ZBED4: variants seen among roughly 807,000 people sequenced by gnomAD.
ZBED4 encodes the protein zinc finger BED domain-containing protein 4.
ZBED4 carries 4 observed loss-of-function variants against 15.5 expected under a neutral mutation model. That is an observed-to-expected ratio of 0.26 (90% CI 0.13 to 0.59). The LOEUF is 0.59. ZBED4 is among the 20% of genes least tolerant of loss of function. The pLI is 0.90. For synonymous variants in ZBED4, 692 were observed against 608.5 expected, an observed-to-expected ratio of 1.14 and a Z score of -2.02; for missense variants, 1,323 against 1,461.8, an observed-to-expected ratio of 0.91 and a Z score of 1.55.
rs2060420448 is a variant in ZBED4 at position 49,883,585 on chromosome 22, T to C, written c.-78T>C. On this transcript the variant is annotated 5_prime_UTR_variant, in exon 2 of 2. Transcript: ENST00000216268. ...TTATGACGAAAAAGTGAAGATAATCTACATTCGGGGGCACAAATGAGCACT... is the reference window on the plus strand; with the variant it reads ...TTATGACGAAAAAGTGAAGATAATCCACATTCGGGGGCACAAATGAGCACT... 3 of 1,435,864 alleles carry C rather than the reference T, an allele frequency of 2.1e-6. No homozygotes were observed. The highest frequency in any genetic ancestry group is 2.4e-5 in the Admixed American group (1 of 41,878). 88.9% of individuals were successfully genotyped at this position (1,435,864 alleles called of 1,614,324 possible).
rs66520307 is a variant in ZBED4, at chr22:49,862,693, C to CTTTTT, written c.-330+8726_-330+8730dup. Reference sequence around the variant, plus strand: ...CCTCTAAATATTAGTTAAGTTTTTCCTTTTTTTTTTTTTTTTTTTTTTTTT... The same window carrying CTTTTT: ...CCTCTAAATATTAGTTAAGTTTTTCCTTTTTTTTTTTTTTTTTTTTTTTTTTTTTT... On this transcript the variant is annotated intron_variant, in intron 1 of 1. Coordinates refer to ENST00000216268, the MANE Select transcript of ZBED4 (RefSeq NM_014838.3). Among the ~76,000 whole-genome samples, 5 of 58,988 alleles carry CTTTTT rather than the reference C, an allele frequency of 8.5e-5. 1 individual carries two copies. Among genetic ancestry groups the CTTTTT allele is most frequent in the African/African-American group, 2.2e-4 (4 of 17,802 alleles). 38.7% of individuals were successfully genotyped at this position (58,988 alleles called of 152,430 possible).
chr22:49,874,672 CTTTTTT>C (rs10636316), intron 1 of ZBED4, among the ~76,000 whole-genome samples: 82 of 37,310 alleles, frequency 2.2e-3, no homozygotes, highest in Non-Finnish European at 2.3e-3. Flanking sequence ...CATGCCCAGC[CTTTTTT>C]TTTTTTTTTT....
chr22:49,869,503 C>A (rs1040161554), intron 1 of ZBED4, among the ~76,000 whole-genome samples: 5 of 152,120 alleles, frequency 3.3e-5, no homozygotes, highest in African/African-American at 1.2e-4. Flanking sequence ...TTTTTTAGTT[C>A]CTGTTTATTC....
At position 49,889,545 on chromosome 22, in the gene ZBED4, A is replaced by G. The variant is rs2060457533; in HGVS notation, c.*2367A>G. The G allele has an allele frequency of 6.0e-6, 1 of 167,182 alleles. No individual in the cohort carries two copies. The highest frequency in any genetic ancestry group is 1.5e-5 in the Non-Finnish European group (1 of 68,136). The allele number at this position is 167,182 out of a possible 1,614,324, so 10.4% of individuals were successfully genotyped here. A position where few individuals can be genotyped will look rare whatever the true frequency, so the allele number is the denominator to read the frequency against. ...GTGTTCTGAGTAACAGTCAGTGTAT[A>G]AAAGGGGATTGCAGAAAAAAATGAG... On this transcript the variant is annotated 3_prime_UTR_variant, in exon 2 of 2. Coordinates refer to ENST00000216268, the MANE Select transcript of ZBED4 (RefSeq NM_014838.3).
chr22:49,861,338 C>T (rs1238218049), intron 1 of ZBED4, among the ~76,000 whole-genome samples: 1 of 152,020 alleles, frequency 6.6e-6, no homozygotes, highest in East Asian at 1.9e-4. Flanking sequence ...GATGGGGTTT[C>T]ACTGTGTTGG....
rs1253601197 is a variant in ZBED4 at position 49,884,605 on chromosome 22, C to T, written c.943C>T (p.Arg315Trp). The T allele has an allele frequency of 1.9e-6, 3 of 1,612,252 alleles. No individual in the cohort carries two copies. Among genetic ancestry groups the T allele is most frequent in the Non-Finnish European group, 2.5e-6 (3 of 1,179,020 alleles). The change falls in exon 2 of 2, where the codon CGG becomes TGG. Residue 315 changes from arginine (R) to tryptophan (W), a missense_variant. By Grantham distance (101) the Arg-to-Trp change is moderately radical. Around this residue, in one of 6 missense-constraint regions of ZBED4, gnomAD observed 380 missense variants for 413.7 expected, o/e 0.92. Coordinates refer to ENST00000216268, the MANE Select transcript of ZBED4 (RefSeq NM_014838.3). Reference sequence around the variant, plus strand: ...CATTCACTGCATGAACGAGTTCAGCCGGGGGAAGAATGGGAAGGACCTGGG... The same window carrying T: ...CATTCACTGCATGAACGAGTTCAGCTGGGGGAAGAATGGGAAGGACCTGGG... Reference protein sequence around the residue: ...VCIHCMNEFSRGKNGKDLGTS... With the variant: ...VCIHCMNEFSWGKNGKDLGTS...
chr22:49,888,652 T>C lies in ZBED4; in HGVS notation c.*1474T>C, dbSNP rs2060452695. The C allele has an allele frequency of 1.2e-5, 2 of 167,290 alleles. No individual in the cohort carries two copies. Among genetic ancestry groups the C allele is most frequent in the African/African-American group, 4.8e-5 (2 of 41,466 alleles). 10.4% of individuals were successfully genotyped at this position (167,290 alleles called of 1,614,324 possible). On this transcript the variant is annotated 3_prime_UTR_variant, in exon 2 of 2. Coordinates refer to ENST00000216268, the MANE Select transcript of ZBED4 (RefSeq NM_014838.3). ...CTTTCCAGGTCTCGTGTTCAAGTGG[T>C]GCCAGAATGCAGGAGCCGGTGGGCA...
chr22:49,870,569 G>A (rs142330495), intron 1 of ZBED4, among the ~76,000 whole-genome samples: 1 of 152,190 alleles, frequency 6.6e-6, no homozygotes. Flanking sequence ...GCACTTCTCT[G>A]ATGACTGTTG....
intron 1 of ZBED4, among the ~76,000 whole-genome samples, chr22:49,868,574 C>G (rs999846766): frequency 2.6e-5 from 4 of 152,092 alleles, no homozygotes; most frequent in Non-Finnish European, 5.9e-5. Flanking sequence ...GCGAGACTGT[C>G]TCTTCCAACA....
upstream of ZBED4, chr22:49,853,027 A>T (rs2060258196): frequency 6.6e-6 from 1 of 152,192 alleles, no homozygotes. Context: ...CTCCCGCTCC[A>T]GCCGGTGACC....
At chr22:49,865,656 C>CA (rs762328307) in intron 1 of ZBED4, among the ~76,000 whole-genome samples, 1 of 152,040 alleles carries the variant, frequency 6.6e-6, no homozygotes, top group African/African-American at 2.4e-5. Flanking sequence ...GTCTGGGCGA[C>CA]AGAGTGGACA....
rs184195012 is a variant in ZBED4, at chr22:49,887,419, T to C, written c.*241T>C. The C allele has an allele frequency of 3.5e-4, 144 of 405,906 alleles. 1 individual carries two copies. Among genetic ancestry groups the C allele is most frequent in the African/African-American group, 2.5e-3 (125 of 50,094 alleles). The allele number at this position is 405,906 out of a possible 1,614,324, so 25.1% of individuals were successfully genotyped here. On this transcript the variant is annotated 3_prime_UTR_variant, in exon 2 of 2. Coordinates refer to ENST00000216268, the MANE Select transcript of ZBED4 (RefSeq NM_014838.3). ...AGCTTGTCCTGTCAACTATGAAATA[T>C]GGTGACTAGATTTTAATTCATAACC...
At chr22:49,865,265 A>ACAC (rs2060316734) in intron 1 of ZBED4, among the ~76,000 whole-genome samples, 1 of 152,040 alleles carries the variant, frequency 6.6e-6, no homozygotes, top group Admixed American at 6.6e-5. Flanking sequence ...CAGTAAACAG[A>ACAC]TGGTGTCGTT....
chr22:49,864,531 T>C lies in ZBED4; in HGVS notation c.-330+10542T>C, dbSNP rs5770727. Among the ~76,000 whole-genome samples, 1,480 of 152,124 alleles carry C rather than the reference T, an allele frequency of 9.7e-3. 16 individuals carry two copies. The highest frequency in any genetic ancestry group is 0.068 in the South Asian group (325 of 4,810). On this transcript the variant is annotated intron_variant, in intron 1 of 1. Transcript: ENST00000216268. ...GTCGAAAATGCACTTAATACCTGAT[T>C]GGAGCCTGGGCATGGTGGCTTACGC...
chr22:49,861,457 A>C (rs981714021), intron 1 of ZBED4, among the ~76,000 whole-genome samples: 1 of 151,930 alleles, frequency 6.6e-6, no homozygotes, highest in East Asian at 1.9e-4. Flanking sequence ...GTTTTGAGAT[A>C]GCGTCTGGCT....
intron 1 of ZBED4, among the ~76,000 whole-genome samples, chr22:49,882,277 C>T (rs978065172): frequency 3.3e-5 from 5 of 152,128 alleles, no homozygotes; most frequent in Non-Finnish European, 5.9e-5. Flanking sequence ...TTGTGGTGGG[C>T]GCATTGGCTC....
At chr22:49,866,521 G>A (rs2295406) in intron 1 of ZBED4, among the ~76,000 whole-genome samples, 97,777 of 151,896 alleles carry the variant, frequency 0.64, 35,631 homozygotes, top group East Asian at 0.85. Flanking sequence ...TAGTGTTTTT[G>A]TGGGACCTAT....
chr22:49,865,211 T>C (rs932551405), intron 1 of ZBED4, among the ~76,000 whole-genome samples: 1 of 152,056 alleles, frequency 6.6e-6, no homozygotes, highest in Non-Finnish European at 1.5e-5. Context: ...TGTAGGCATT[T>C]GTAACACCGT....
chr22:49,867,604 A>G (rs1210025898), intron 1 of ZBED4, among the ~76,000 whole-genome samples: 1 of 152,156 alleles, frequency 6.6e-6, no homozygotes, highest in Non-Finnish European at 1.5e-5. Context: ...ATGTGCAGAA[A>G]GTCACCCACC....
Sources: gnomAD v4.1 joint callset for allele counts (sites outside exome capture counted in the v4.1 genomes callset) on GRCh38, gnomAD v4.1.1 for gene constraint, gnomAD v4.1.1 regional missense constraint, MANE v1.5 for transcripts, NCBI Gene and HGNC (gene_info 2026-07-23, HGNC 2026-07-21) for gene names.